CLEC10A: variants seen among roughly 807,000 people sequenced by gnomAD.
CLEC10A encodes C-type lectin domain containing 10A.
A neutral mutation model predicts 42.0 loss-of-function variants in CLEC10A; 38 were observed. The ratio of observed to expected loss-of-function variants is 0.90; its 90% CI spans 0.70 to 1.18. The LOEUF is 1.18. CLEC10A is among the 50% of genes most tolerant of loss of function. The pLI is 0.00. For missense variants in CLEC10A, 298 were observed against 345.9 expected (o/e 0.86, Z 1.10); for synonymous variants, 126 against 139.9 (o/e 0.90, Z 0.70).
chr17:7,077,262 T>C (rs1484506369), intron 3 of CLEC10A, among the ~76,000 whole-genome samples: 1 of 140,818 alleles, frequency 7.1e-6, no homozygotes, highest in Non-Finnish European at 1.5e-5. Flanking sequence ...ACCGTCCCCA[T>C]CAATCACTCC....
chr17:7,075,598 T>C, intron 7 of CLEC10A, 132 bp from the exon 8 acceptor site: 7 of 1,463,368 alleles, frequency 4.8e-6, no homozygotes, highest in Non-Finnish European at 9.5e-7. Flanking sequence ...CTCAGGCCTA[T>C]TAAATCTCTG....
At chr17:7,076,151 C>G (rs201107069) in intron 5 of CLEC10A, 80 bp from the exon 6 acceptor site, 1 of 1,613,718 alleles carries the variant, frequency 6.2e-7, no homozygotes, top group Admixed American at 1.7e-5. Flanking sequence ...GCTCAGATAC[C>G]CCTGCACAGG....
intron 2 of CLEC10A, 47 bp downstream of exon 2, chr17:7,078,699 A>G: frequency 6.4e-7 from 1 of 1,565,786 alleles, no homozygotes. Context: ...AAATCCTTCT[A>G]AACATATAAA....
chr17:7,074,789 C>T lies in CLEC10A; in HGVS notation c.*265G>A, dbSNP rs1012463089. On this transcript the variant is annotated 3_prime_UTR_variant, in exon 9 of 9. Transcript: ENST00000416562. ...CCTAGGCATGCATATTTGTCAAAGT[C>T]ATCTCTACTCTTTAAATGAGTGCAT... 1 of 303,924 alleles carries T rather than the reference C, an allele frequency of 3.3e-6. No individual in the cohort carries two copies. Among genetic ancestry groups the T allele is most frequent in the Non-Finnish European group, 6.0e-6 (1 of 167,786 alleles). 18.8% of individuals were successfully genotyped at this position (303,924 alleles called of 1,614,324 possible).
At chr17:7,076,162 GC>G in intron 5 of CLEC10A, 91 bp from the exon 6 acceptor site, 2 of 1,611,966 alleles carry the variant, frequency 1.2e-6, no homozygotes, top group South Asian at 2.2e-5. Context: ...CCTGCACAGG[GC>G]CAAGCCAGGG....
In CLEC10A at chr17:7,075,862, G is replaced by A. The variant is rs535678341; in HGVS notation, c.463C>T (p.Pro155Ser). ...NNASTEGTCC[P>S]VNWVEHQDSC... ...TCTTGGTGCTCCACCCAGTTGACAG[G>A]GCAGCAGGTCCCTTCAGTGGAGGCT... The change falls in exon 7 of 9, where the codon CCT (proline) becomes TCT (serine). Residue 155 changes from proline (P) to serine (S), a missense_variant. Transcript: ENST00000416562. The A allele has an allele frequency of 1.2e-6, 2 of 1,613,438 alleles. No homozygotes were observed. The highest frequency in any genetic ancestry group is 1.3e-5 in the African/African-American group (1 of 74,686).
chr17:7,079,719 A>T (rs1006332170), intron 1 of CLEC10A, among the ~76,000 whole-genome samples: 4 of 151,746 alleles, frequency 2.6e-5, no homozygotes, highest in Non-Finnish European at 4.4e-5. Flanking sequence ...TTATTTATTT[A>T]TTTTTTGAGA....
Position 7,076,950 on chromosome 17 carries a change from T to C in CLEC10A, c.222A>G (p.Thr74=). ...TGTTTGAGGTGAAGTTGCTAAAATCTGTTCTCAGGGTCACCAGGTCCCTCT... is the reference window on the plus strand; with the variant it reads ...TGTTTGAGGTGAAGTTGCTAAAATCCGTTCTCAGGGTCACCAGGTCCCTCT... The part of the protein sequence containing the change: ...KFQRDLVTLR[T]DFSNFTSNTV... Residue 74 remains threonine (T), a synonymous_variant, in exon 4 of 9, where the codon ACA becomes ACG. Transcript: ENST00000416562. The C allele has an allele frequency of 6.2e-7, 1 of 1,613,908 alleles. No individual in the cohort carries two copies. The highest frequency in any genetic ancestry group is 8.5e-7 in the Non-Finnish European group (1 of 1,179,944).
At position 7,076,086 on chromosome 17, in the gene CLEC10A, G is replaced by C. The variant is rs867741914; in HGVS notation, c.353-15C>G. 1.2e-6 allele frequency: 2 copies of C among 1,614,072 alleles called. No individual in the cohort carries two copies. The highest frequency in any genetic ancestry group is 1.7e-6 in the Non-Finnish European group (2 of 1,180,054). On this transcript the variant is annotated splice_polypyrimidine_tract_variant and intron_variant, in intron 5 of 8. Coordinates refer to ENST00000416562, the MANE Select transcript of CLEC10A (RefSeq NM_001330070.2). ...TTCAGAATGAACTGGGACACACACA[G>C]ATGGGCAGTGGGGACAGTGGCCTAG... is the stretch of plus-strand genomic sequence containing the variant.
intron 5 of CLEC10A, 30 bp downstream of exon 5, chr17:7,076,703 C>A (rs764655474): frequency 1.9e-6 from 3 of 1,611,488 alleles, no homozygotes; most frequent in Non-Finnish European, 2.5e-6. Flanking sequence ...GCGCCTAGCC[C>A]CCCACACCCA....
chr17:7,076,642 G>A lies in CLEC10A; in HGVS notation c.352+91C>T. The A allele has an allele frequency of 2.9e-6, 4 of 1,396,928 alleles. No homozygotes were observed. In the South Asian group the frequency reaches 3.5e-5, roughly 12 times the overall value. The allele number at this position is 1,396,928 out of a possible 1,614,324, so 86.5% of individuals were successfully genotyped here. ...GCTGCCTTTCAAGCTGCTGGCTGAAGGGGAGGGCAGTTCAGCACCAGGAGT... is the reference window on the plus strand; with the variant it reads ...GCTGCCTTTCAAGCTGCTGGCTGAAAGGGAGGGCAGTTCAGCACCAGGAGT... On this transcript the variant is annotated intron_variant, in intron 5 of 8. Transcript: ENST00000416562.
At position 7,080,122 on chromosome 17, in the gene CLEC10A, A is replaced by T. The variant is rs1427783974; in HGVS notation, c.-144T>A. On this transcript the variant is annotated 5_prime_UTR_variant, in exon 1 of 9. Transcript: ENST00000416562. Reference sequence around the variant, plus strand: ...AAGGACCAGAGGTGGGACGTCACTCAGAGTTGGGAGCGCTGTGTCCTGGAG... The same window carrying T: ...AAGGACCAGAGGTGGGACGTCACTCTGAGTTGGGAGCGCTGTGTCCTGGAG... 1 of 152,192 alleles carries T rather than the reference A, an allele frequency of 6.6e-6. No individual in the cohort carries two copies. Among genetic ancestry groups the T allele is most frequent in the Admixed American group, 6.6e-5 (1 of 15,258 alleles). 9.4% of individuals were successfully genotyped at this position (152,192 alleles called of 1,614,324 possible).
At chr17:7,075,557 A>G in intron 7 of CLEC10A, 91 bp from the exon 8 acceptor site, 8 of 1,422,794 alleles carry the variant, frequency 5.6e-6, no homozygotes, top group East Asian at 2.3e-5. Context: ...CGTTAAATCA[A>G]CTGAGGAGTT....
At chr17:7,077,341 T>C (rs1911839077) in intron 3 of CLEC10A, among the ~76,000 whole-genome samples, 1 of 121,222 alleles carries the variant, frequency 8.2e-6, no homozygotes, top group African/African-American at 3.2e-5. Flanking sequence ...CATCAATCAC[T>C]CCATCAGTGC....
In CLEC10A at chr17:7,078,747, AT is replaced by A; in HGVS notation, c.65del (p.Asn22MetfsTer49). Reference sequence around the variant, plus strand: ...GGAGAGTTTCCCCTTTCCTCTTACCATTTTTAAACCCCTGGACTTTCACCTT... The same window carrying A: ...GGAGAGTTTCCCCTTTCCTCTTACCATTTTAAACCCCTGGACTTTCACCTT... ...ENKVKVQGFK[N>X]GPLPLQSLLQ... On this transcript the variant is annotated frameshift_variant and splice_region_variant, in exon 2 of 9. Coordinates refer to ENST00000416562, the MANE Select transcript of CLEC10A (RefSeq NM_001330070.2). LOFTEE classifies it high-confidence loss of function. 6.2e-7 allele frequency: 1 copy of A among 1,613,928 alleles called. No homozygotes were observed. The highest frequency in any genetic ancestry group is 1.1e-5 in the South Asian group (1 of 91,076).
rs200378911 is a variant in CLEC10A at position 7,076,939 on chromosome 17, T to G, written c.233A>C (p.Asn78Thr). 1.1e-5 allele frequency: 17 copies of G among 1,613,902 alleles called. 1 individual carries two copies. Among genetic ancestry groups the G allele is most frequent in the African/African-American group, 9.3e-5 (7 of 74,948 alleles). ...DLVTLRTDFS[N>T]FTSNTVAEIQ... is the part of the protein sequence containing the mutation. ...CTCCGCCACAGTGTTTGAGGTGAAG[T>G]TGCTAAAATCTGTTCTCAGGGTCAC... is the stretch of plus-strand genomic sequence containing the variant. The change falls in exon 4 of 9, where the codon AAC (asparagine) becomes ACC (threonine). Residue 78 changes from asparagine (N) to threonine (T), a missense_variant. By Grantham distance (65) the Asn-to-Thr change is moderately conservative. Transcript: ENST00000416562.
intron 8 of CLEC10A, 25 bp downstream of exon 8, chr17:7,075,335 G>A: frequency 6.6e-7 from 1 of 1,510,182 alleles, no homozygotes; most frequent in Non-Finnish European, 8.8e-7. Flanking sequence ...GAGGACATTG[G>A]CACAGAAAGC....
rs1245246449 is a variant in CLEC10A at position 7,076,622 on chromosome 17, C to G, written c.352+111G>C. On this transcript the variant is annotated intron_variant, in intron 5 of 8. Transcript: ENST00000416562. ...CCACTGCGCCCGGCCTGCATGCTGC[C>G]TTTCAAGCTGCTGGCTGAAGGGGAG... is the stretch of plus-strand genomic sequence containing the variant. 1.5e-5 allele frequency: 19 copies of G among 1,270,832 alleles called. No individual in the cohort carries two copies. In the Admixed American group the frequency reaches 3.2e-4, roughly 21 times the overall value. The allele number at this position is 1,270,832 out of a possible 1,614,324, so 78.7% of individuals were successfully genotyped here. A position where few individuals can be genotyped will look rare whatever the true frequency, so the allele number is the denominator to read the frequency against.
In CLEC10A at chr17:7,075,345, C is replaced by A; in HGVS notation, c.701+15G>T. On this transcript the variant is annotated intron_variant, in intron 8 of 8. Transcript: ENST00000416562. ...TGACGGAGGACATTGGCACAGAAAG[C>A]CAGGGTGCACTCACTGGAAGCCGGT... 6.6e-7 allele frequency: 1 copy of A among 1,511,286 alleles called. No homozygotes were observed. The highest frequency in any genetic ancestry group is 2.3e-5 in the Admixed American group (1 of 42,824). 93.6% of individuals were successfully genotyped at this position (1,511,286 alleles called of 1,614,324 possible). A position where few individuals can be genotyped will look rare whatever the true frequency, so the allele number is the denominator to read the frequency against.
Sources: gnomAD v4.1 joint callset for allele counts (sites outside exome capture counted in the v4.1 genomes callset) on GRCh38, gnomAD v4.1.1 for gene constraint, MANE v1.5 for transcripts, NCBI Gene and HGNC (gene_info 2026-07-23, HGNC 2026-07-21) for gene names.